The following DLGAP4 variants were observed in gnomAD, a reference collection of about 807,000 sequenced individuals.
The protein encoded by DLGAP4 is disks large-associated protein 4.
Under a neutral mutation model 86.9 loss-of-function variants are expected in DLGAP4, and 18 were observed. The ratio of observed to expected loss-of-function variants is 0.21; its 90% CI spans 0.14 to 0.31. The LOEUF is 0.31. DLGAP4 is among the 10% of genes least tolerant of loss of function. The pLI, the probability that DLGAP4 is intolerant of heterozygous loss-of-function variation, is 1.00. For missense variants in DLGAP4, 1,085 were observed against 1,362.6 expected (o/e 0.80, Z 3.21); for synonymous variants, 548 against 574.3 (o/e 0.95, Z 0.65).
At chr20:36,357,163 T>C (rs2030357398) in intron 1 of DLGAP4, among the ~76,000 whole-genome samples, 1 of 152,078 alleles carries the variant, frequency 6.6e-6, no homozygotes, top group Non-Finnish European at 1.5e-5. Context: ...CCACCTGCAT[T>C]TCCAGCCCCG....
chr20:36,451,424 C>G (rs935522023), intron 7 of DLGAP4, among the ~76,000 whole-genome samples: 1 of 152,154 alleles, frequency 6.6e-6, no homozygotes, highest in African/African-American at 2.4e-5. Context: ...GATCTCAGCT[C>G]ACTGCAACAT....
At position 36,331,948 on chromosome 20, in the gene DLGAP4, A is replaced by G. The variant is rs192955488; in HGVS notation, c.-304+25436A>G. ...AACTGGGGAGGTTGTGCTGGCGGAC[A>G]TGTTCAGATGCGGCTGGAAAAGAGT... On this transcript the variant is annotated intron_variant, in intron 1 of 12. Coordinates refer to ENST00000339266, the MANE Select transcript of DLGAP4 (RefSeq NM_001365621.2). 1.5e-3 allele frequency among the ~76,000 whole-genome samples: 231 copies of G among 150,770 alleles called. 2 individuals carry two copies. Among genetic ancestry groups the G allele is most frequent in the Non-Finnish European group, 2.4e-4 (16 of 67,800 alleles).
chr20:36,477,880 G>T (rs1258006829), intron 7 of DLGAP4, among the ~76,000 whole-genome samples: 1 of 152,198 alleles, frequency 6.6e-6, no homozygotes, highest in East Asian at 1.9e-4. Context: ...AGGTCATACG[G>T]CACTTCACTG....
At chr20:36,427,820 A>G (rs188958635) in intron 2 of DLGAP4, among the ~76,000 whole-genome samples, 6 of 151,618 alleles carry the variant, frequency 4.0e-5, no homozygotes, top group South Asian at 2.1e-4. Context: ...GTGCGTGCCT[A>G]TAATCCCGGC....
intron 2 of DLGAP4, among the ~76,000 whole-genome samples, chr20:36,407,403 A>G (rs909634498): frequency 3.9e-5 from 6 of 152,126 alleles, no homozygotes; most frequent in Admixed American, 3.9e-4. Flanking sequence ...TTCATTCACC[A>G]GGCTTTTATT....
chr20:36,425,101 A>C (rs776008635), intron 2 of DLGAP4, among the ~76,000 whole-genome samples: 17 of 152,206 alleles, frequency 1.1e-4, no homozygotes, highest in Non-Finnish European at 1.3e-4. Flanking sequence ...GTAAGTGGTC[A>C]GTCCTGGAAG....
intron 1 of DLGAP4, among the ~76,000 whole-genome samples, chr20:36,361,966 G>A (rs543853573): frequency 4.4e-5 from 6 of 137,768 alleles, no homozygotes; most frequent in South Asian, 2.3e-4. Context: ...ATGACACTGC[G>A]AGATTCTGTC....
intron 1 of DLGAP4, among the ~76,000 whole-genome samples, chr20:36,313,518 CCAGG>C (rs1305141101): frequency 4.0e-5 from 6 of 151,634 alleles, no homozygotes; most frequent in Non-Finnish European, 7.4e-5. Context: ...CTGGGGCTGA[CCAGG>C]CAGCTTTGCA....
chr20:36,329,280 T>C (rs2065245329), intron 1 of DLGAP4, among the ~76,000 whole-genome samples: 1 of 152,168 alleles, frequency 6.6e-6, no homozygotes, highest in Non-Finnish European at 1.5e-5. Context: ...ACAGTTCAGA[T>C]TGTTGGAGCC....
At chr20:36,482,171 C>T (rs2035216904) in intron 7 of DLGAP4, among the ~76,000 whole-genome samples, 1 of 152,176 alleles carries the variant, frequency 6.6e-6, no homozygotes, top group Admixed American at 6.5e-5. Context: ...CCTGATATGC[C>T]ACCTGCCACT....
chr20:36,498,071 C>T (rs941139020), intron 8 of DLGAP4: 3 of 152,260 alleles, frequency 2.0e-5, no homozygotes, highest in Non-Finnish European at 4.4e-5. Flanking sequence ...GGGACTCCTC[C>T]AGCCACCCCT....
chr20:36,353,510 CT>C (rs1407876217), intron 1 of DLGAP4, among the ~76,000 whole-genome samples: 1 of 152,184 alleles, frequency 6.6e-6, no homozygotes, highest in Non-Finnish European at 1.5e-5. Context: ...TTTGAGGACT[CT>C]TTTTTCTTTT....
chr20:36,417,436 T>C (rs1178134195), intron 2 of DLGAP4, among the ~76,000 whole-genome samples: 1 of 152,084 alleles, frequency 6.6e-6, no homozygotes, highest in African/African-American at 2.4e-5. Context: ...GTCTGGAGTA[T>C]AGTGGCACAA....
intron 1 of DLGAP4, among the ~76,000 whole-genome samples, chr20:36,317,403 TCTTC>T (rs1440587038): frequency 1.3e-5 from 2 of 148,400 alleles, no homozygotes; most frequent in South Asian, 2.2e-4. Flanking sequence ...CTTTCTCTCT[TCTTC>T]CTTCCTTCTT....
intron 2 of DLGAP4, among the ~76,000 whole-genome samples, chr20:36,383,515 T>C (rs562319215): frequency 6.6e-6 from 1 of 151,764 alleles, no homozygotes; most frequent in South Asian, 2.1e-4. Flanking sequence ...ATGAAGCCAG[T>C]AGGTTAAAAA....
intron 1 of DLGAP4, among the ~76,000 whole-genome samples, chr20:36,326,313 G>A (rs2065215358): frequency 6.6e-6 from 1 of 151,930 alleles, no homozygotes. Flanking sequence ...TTATTTTTCT[G>A]CTACCTTTAG....
intron 1 of DLGAP4, among the ~76,000 whole-genome samples, chr20:36,333,580 G>A (rs2065292170): frequency 6.6e-6 from 1 of 152,170 alleles, no homozygotes; most frequent in Admixed American, 6.5e-5. Context: ...GTCCTGTGAG[G>A]AAACTGAGGC....
intron 7 of DLGAP4, among the ~76,000 whole-genome samples, chr20:36,476,250 A>G (rs894612298): frequency 6.6e-6 from 1 of 150,488 alleles, no homozygotes; most frequent in Non-Finnish European, 1.5e-5. Flanking sequence ...TCATCTTCCC[A>G]AACTGAAACT....
At chr20:36,497,386 C>A in intron 8 of DLGAP4, 1 of 1,190,030 alleles carries the variant, frequency 8.4e-7, no homozygotes, top group Non-Finnish European at 1.0e-6. Context: ...TCCACTCCAC[C>A]CTTTGCCCTG....
Sources: allele counts gnomAD v4.1 joint callset (sites outside exome capture counted in the v4.1 genomes callset), GRCh38; gene constraint gnomAD v4.1.1; transcripts MANE v1.5; gene names NCBI Gene and HGNC (gene_info 2026-07-23, HGNC 2026-07-21).